The following KCNH1 variants were observed in gnomAD, a reference collection of about 807,000 sequenced individuals.
The protein encoded by KCNH1 is potassium voltage-gated channel subfamily H member 1, also known as voltage-gated delayed rectifier potassium channel KCNH1.
A neutral mutation model predicts 69.2 loss-of-function variants in KCNH1; 27 were observed. The ratio of observed to expected loss-of-function variants is 0.39; its 90% CI spans 0.29 to 0.54. The LOEUF is 0.54. Among genes scored for constraint, KCNH1 ranks in the 20% least tolerant of loss-of-function variants. The pLI is 0.68. For synonymous variants in KCNH1, 456 were observed against 487.7 expected (o/e 0.93, Z 0.86); for missense variants, 798 against 1,261.6 (o/e 0.63, Z 5.57).
intron 10 of KCNH1, among the ~76,000 whole-genome samples, chr1:210,742,184 C>A (rs1683047319): frequency 6.6e-6 from 1 of 152,186 alleles, no homozygotes; most frequent in African/African-American, 2.4e-5. Context: ...CAAATCTAGT[C>A]ACCATGAATT....
At chr1:211,036,710 A>G (rs1394788939) in intron 5 of KCNH1, among the ~76,000 whole-genome samples, 1 of 143,626 alleles carries the variant, frequency 7.0e-6, no homozygotes, top group Admixed American at 7.1e-5. Context: ...CCTGGTGACT[A>G]CAGTACAGTC....
At chr1:210,849,342 C>A (rs145021692) in intron 7 of KCNH1, among the ~76,000 whole-genome samples, 2 of 146,504 alleles carry the variant, frequency 1.4e-5, no homozygotes, top group African/African-American at 2.5e-5. Flanking sequence ...CCTTTTTTTG[C>A]GTGTGTGTGC....
In KCNH1 at chr1:210,948,293, A is replaced by T. The variant is rs556506616; in HGVS notation, c.1033-28224T>A. On this transcript the variant is annotated intron_variant, in intron 6 of 10. Coordinates refer to ENST00000271751, the MANE Select transcript of KCNH1 (RefSeq NM_172362.3). ...ATGCTCATTAAAATTAGTTATGATG[A>T]CTACTATAGAAGAATGTTTGACAAA... Among the ~76,000 whole-genome samples, 16 of 152,312 alleles carry T rather than the reference A, an allele frequency of 1.1e-4. No homozygotes were observed. The East Asian group carries it at 3.1e-3, about 29-fold the overall frequency.
Position 210,857,846 on chromosome 1 carries a change from G to C in KCNH1, c.1463-53680C>G, listed in dbSNP as rs1685889167. 5.9e-5 allele frequency among the ~76,000 whole-genome samples: 9 copies of C among 152,268 alleles called. No homozygotes were observed. The South Asian group carries it at 1.7e-3, about 28-fold the overall frequency. On this transcript the variant is annotated intron_variant, in intron 7 of 10. Coordinates refer to ENST00000271751, the MANE Select transcript of KCNH1 (RefSeq NM_172362.3). ...GGAAGCAAGCCAATCTCTCTACGCT[G>C]TCTTTTTGCTGGCTTGTTTTTGCAG...
chr1:211,016,183 T>C (rs926876396), intron 6 of KCNH1, among the ~76,000 whole-genome samples: 1 of 152,082 alleles, frequency 6.6e-6, no homozygotes, highest in Non-Finnish European at 1.5e-5. Context: ...ACCCAACATA[T>C]ACAGTTTGTT....
intron 7 of KCNH1, chr1:210,859,488 T>G: frequency 1.9e-6 from 3 of 1,606,406 alleles, no homozygotes; most frequent in Non-Finnish European, 2.6e-6. Context: ...CAGCATCACC[T>G]TCTTCCCAAT....
chr1:210,798,523 T>C (rs751728689), intron 8 of KCNH1, among the ~76,000 whole-genome samples: 1 of 152,210 alleles, frequency 6.6e-6, no homozygotes, highest in Non-Finnish European at 1.5e-5. Context: ...GACTTTTAGG[T>C]GTAATAAGCC....
At chr1:211,040,147 T>C (rs1240676402) in intron 5 of KCNH1, among the ~76,000 whole-genome samples, 2 of 145,800 alleles carry the variant, frequency 1.4e-5, no homozygotes, top group Middle Eastern at 3.8e-3. Flanking sequence ...GCCAAGATCG[T>C]GCCACTGCAC....
intron 5 of KCNH1, among the ~76,000 whole-genome samples, chr1:211,054,845 A>G (rs1690273584): frequency 6.6e-6 from 1 of 152,132 alleles, no homozygotes; most frequent in South Asian, 2.1e-4. Context: ...GGGAGATAAA[A>G]AGGGAAAGAG....
chr1:211,016,736 C>G (rs1689498779), intron 6 of KCNH1, among the ~76,000 whole-genome samples: 1 of 151,538 alleles, frequency 6.6e-6, no homozygotes, highest in Admixed American at 6.6e-5. Context: ...TGGTGAAACC[C>G]CGTCTCTACT....
At chr1:211,048,898 G>T (rs926818797) in intron 5 of KCNH1, among the ~76,000 whole-genome samples, 6 of 152,144 alleles carry the variant, frequency 3.9e-5, no homozygotes, top group African/African-American at 1.4e-4. Context: ...GGAGATTCCG[G>T]ATGAGAATCA....
intron 7 of KCNH1, among the ~76,000 whole-genome samples, chr1:210,879,702 T>A (rs1686454008): frequency 6.6e-6 from 1 of 152,038 alleles, no homozygotes; most frequent in South Asian, 2.1e-4. Flanking sequence ...AGGAACAAGG[T>A]AAGTATGTCT....
intron 6 of KCNH1, among the ~76,000 whole-genome samples, chr1:210,948,837 GAAAA>G (rs770643532): frequency 9.5e-5 from 12 of 125,780 alleles, no homozygotes; most frequent in Non-Finnish European, 3.5e-5. Context: ...CAAAAAAAAG[GAAAA>G]AAAAAAAAAG....
chr1:210,856,618 C>T (rs1377484478), intron 7 of KCNH1, among the ~76,000 whole-genome samples: 1 of 151,064 alleles, frequency 6.6e-6, no homozygotes, highest in African/African-American at 2.4e-5. Flanking sequence ...AATTCTAACT[C>T]CTCTCTGTTC....
At chr1:210,901,659 G>T (rs1380009437) in intron 7 of KCNH1, among the ~76,000 whole-genome samples, 1 of 152,200 alleles carries the variant, frequency 6.6e-6, no homozygotes, top group African/African-American at 2.4e-5. Context: ...AGGTCCAGGG[G>T]CTGGAGATGG....
chr1:210,873,241 T>C (rs943265185), intron 7 of KCNH1, among the ~76,000 whole-genome samples: 1 of 152,228 alleles, frequency 6.6e-6, no homozygotes, highest in Non-Finnish European at 1.5e-5. Flanking sequence ...AACGTGACCA[T>C]ATGACTTTGA....
chr1:210,883,775 C>A (rs901902274), intron 7 of KCNH1, among the ~76,000 whole-genome samples: 1 of 152,178 alleles, frequency 6.6e-6, no homozygotes, highest in Non-Finnish European at 1.5e-5. Context: ...TAACGCCAAG[C>A]AAGCTTGGTG....
At chr1:211,073,922 T>C (rs985254145) in intron 5 of KCNH1, among the ~76,000 whole-genome samples, 3 of 151,840 alleles carry the variant, frequency 2.0e-5, no homozygotes, top group Admixed American at 6.6e-5. Context: ...AAAAGCTCAT[T>C]CTTTGAAAAA....
At position 210,892,009 on chromosome 1, in the gene KCNH1, C is replaced by T. The variant is rs553166437; in HGVS notation, c.1462+27631G>A. Among the ~76,000 whole-genome samples the T allele has an allele frequency of 7.7e-3, 1,170 of 152,188 alleles. 20 individuals are homozygous for T. Among genetic ancestry groups the T allele is most frequent in the African/African-American group, 0.027 (1,122 of 41,518 alleles). ...TTCTCACTCATAAGTGGGAGTTAAACAATGGGAACACATGGACACAGGGAG... is the reference window on the plus strand; with the variant it reads ...TTCTCACTCATAAGTGGGAGTTAAATAATGGGAACACATGGACACAGGGAG... On this transcript the variant is annotated intron_variant, in intron 7 of 10. Transcript: ENST00000271751.
Sources: gnomAD v4.1 joint callset for allele counts (sites outside exome capture counted in the v4.1 genomes callset) on GRCh38, gnomAD v4.1.1 for gene constraint, MANE v1.5 for transcripts, NCBI Gene and HGNC (gene_info 2026-07-23, HGNC 2026-07-21) for gene names.